C1RL: variants seen among roughly 807,000 people sequenced by gnomAD.
The protein encoded by C1RL is complement C1r subcomponent-like protein.
C1RL carries 27 observed loss-of-function variants against 27.9 expected under a neutral mutation model. The observed-to-expected ratio is 0.97, with a 90% CI of 0.71 to 1.33. The LOEUF (loss-of-function observed/expected upper bound fraction) is 1.33. Ranked by LOEUF, C1RL falls within the 40% of genes most tolerant of loss-of-function variation. The pLI is 0.00. For synonymous variants in C1RL, 248 were observed against 252.1 expected (o/e 0.98, Z 0.15); for missense variants, 563 against 623.9 (o/e 0.90, Z 1.04).
intron 1 of C1RL, chr12:7,108,712 A>G (rs1938841075): frequency 5.3e-6 from 3 of 562,958 alleles, no homozygotes; most frequent in Non-Finnish European, 9.4e-6. Context: ...TGGGTTTTCC[A>G]TCCTCCGAAG....
In C1RL at chr12:7,094,696, C is replaced by T; in HGVS notation, c.*1695G>A. The stretch of plus-strand genomic sequence containing the variant: ...CAATAGAGAATAGTGGAAAACCAAA[C>T]AGCCAAAATCTTATCAATAAAACCA... On this transcript the variant is annotated 3_prime_UTR_variant, in exon 6 of 6. Transcript: ENST00000266542. 4 of 981,198 alleles carry T rather than the reference C, an allele frequency of 4.1e-6. No individual in the cohort carries two copies. The highest frequency in any genetic ancestry group is 4.8e-6 in the Non-Finnish European group (4 of 826,094). 60.8% of individuals were successfully genotyped at this position (981,198 alleles called of 1,614,324 possible).
In C1RL at chr12:7,096,030, T is replaced by C; in HGVS notation, c.*361A>G. The C allele has an allele frequency of 9.7e-7, 1 of 1,035,556 alleles. No homozygotes were observed. Among genetic ancestry groups the C allele is most frequent in the Non-Finnish European group, 1.2e-6 (1 of 863,768 alleles). 64.1% of individuals were successfully genotyped at this position (1,035,556 alleles called of 1,614,324 possible). On this transcript the variant is annotated 3_prime_UTR_variant, in exon 6 of 6. Transcript: ENST00000266542. Reference sequence around the variant, plus strand: ...CTAATAGCGGGTGAGTAGCTGACTCTTCCACAGGTGAGTATAAAAGCTGTG... The same window carrying C: ...CTAATAGCGGGTGAGTAGCTGACTCCTCCACAGGTGAGTATAAAAGCTGTG...
chr12:7,094,963 T>C lies in C1RL; in HGVS notation c.*1428A>G, dbSNP rs1938385127. The C allele has an allele frequency of 9.0e-7, 1 of 1,107,946 alleles. No individual in the cohort carries two copies. The highest frequency in any genetic ancestry group is 1.1e-6 in the Non-Finnish European group (1 of 900,682). The allele number at this position is 1,107,946 out of a possible 1,614,324, so 68.6% of individuals were successfully genotyped here. ...CACATGTATGTACAACTTTGAATCC[T>C]GCCATTTTTTAGAGATAAATTTAAC... On this transcript the variant is annotated 3_prime_UTR_variant, in exon 6 of 6. Transcript: ENST00000266542.
At chr12:7,101,099 C>CTCCTTCCTTCTT (rs1938607132) in intron 3 of C1RL, among the ~76,000 whole-genome samples, 7 of 27,990 alleles carry the variant, frequency 2.5e-4, no homozygotes, top group Admixed American at 3.2e-4. Flanking sequence ...CCCTCCTTCC[C>CTCCTTCCTTCTT]TCCTTCCTTC....
chr12:7,099,051 A>G (rs1258180430), intron 5 of C1RL, among the ~76,000 whole-genome samples: 1 of 150,212 alleles, frequency 6.7e-6, no homozygotes, highest in Admixed American at 6.6e-5. Context: ...CAAAAAAAAA[A>G]AAAAAATAAA....
In C1RL at chr12:7,094,967, A is replaced by T; in HGVS notation, c.*1424T>A. On this transcript the variant is annotated 3_prime_UTR_variant, in exon 6 of 6. Transcript: ENST00000266542. The stretch of plus-strand genomic sequence containing the variant: ...TGTATGTACAACTTTGAATCCTGCC[A>T]TTTTTTAGAGATAAATTTAACCTTT... 1 of 1,106,994 alleles carries T rather than the reference A, an allele frequency of 9.0e-7. No individual in the cohort carries two copies. 68.6% of individuals were successfully genotyped at this position (1,106,994 alleles called of 1,614,324 possible).
Position 7,096,626 on chromosome 12 carries a change from T to C in C1RL, c.1229A>G (p.Gln410Arg), listed in dbSNP as rs779934100. Reference sequence around the variant, plus strand: ...ATTGTCAGAAAACACCTCGGGTCTCTGTCTCTTTTGGAGCCAGGCGTTGCA... The same window carrying C: ...ATTGTCAGAAAACACCTCGGGTCTCCGTCTCTTTTGGAGCCAGGCGTTGCA... The part of the protein sequence containing the change: ...EACNAWLQKR[Q>R]RPEVFSDNMF... Residue 410 changes from glutamine to arginine, a missense_variant, in exon 6 of 6, where the codon CAG becomes CGG. Transcript: ENST00000266542. 28 of 1,614,030 alleles carry C rather than the reference T, an allele frequency of 1.7e-5. No homozygotes were observed. The East Asian group carries it at 2.5e-4, about 14-fold the overall frequency.
At position 7,095,132 on chromosome 12, in the gene C1RL, G is replaced by A. The variant is rs59375850; in HGVS notation, c.*1259C>T. 0.12 allele frequency: 141,547 copies of A among 1,227,968 alleles called. 9,619 individuals carry two copies. Among genetic ancestry groups the A allele is most frequent in the Admixed American group, 0.28 (8,827 of 31,268 alleles). 76.1% of individuals were successfully genotyped at this position (1,227,968 alleles called of 1,614,324 possible). ...AATCACCTCCAATCTTTTTTTTTTG[G>A]GGGGGATGAAGTCTTGGTCTGTCCG... On this transcript the variant is annotated 3_prime_UTR_variant, in exon 6 of 6. Coordinates refer to ENST00000266542, the MANE Select transcript of C1RL (RefSeq NM_016546.4).
At position 7,094,624 on chromosome 12, in the gene C1RL, A is replaced by G; in HGVS notation, c.*1767T>C. ...ATCATTTTTTGCAATCATAAAAATAAGCAAAATAAAATAAAAACATTTCAT... is the reference window on the plus strand; with the variant it reads ...ATCATTTTTTGCAATCATAAAAATAGGCAAAATAAAATAAAAACATTTCAT... On this transcript the variant is annotated 3_prime_UTR_variant, in exon 6 of 6. Coordinates refer to ENST00000266542, the MANE Select transcript of C1RL (RefSeq NM_016546.4). 1 of 971,538 alleles carries G rather than the reference A, an allele frequency of 1.0e-6. No homozygotes were observed. Among genetic ancestry groups the G allele is most frequent in the Non-Finnish European group, 1.2e-6 (1 of 817,274 alleles). The allele number at this position is 971,538 out of a possible 1,614,324, so 60.2% of individuals were successfully genotyped here. A position where few individuals can be genotyped will look rare whatever the true frequency, so the allele number is the denominator to read the frequency against.
chr12:7,097,600 C>G (rs1212108508), intron 5 of C1RL, among the ~76,000 whole-genome samples: 1 of 152,128 alleles, frequency 6.6e-6, no homozygotes, highest in African/African-American at 2.4e-5. Flanking sequence ...GACTCTTATA[C>G]TGATGCAGAC....
intron 2 of C1RL, among the ~76,000 whole-genome samples, chr12:7,103,522 T>C (rs1433326387): frequency 1.3e-5 from 2 of 152,214 alleles, no homozygotes; most frequent in African/African-American, 2.4e-5. Context: ...CAATACCTGC[T>C]CCTTCAAAAT....
In C1RL at chr12:7,108,300, T is replaced by C. The variant is rs766870484; in HGVS notation, c.251A>G (p.Gln84Arg). ...CTGGGACGGCTCCAGGTCGAAGTCC[T>C]GGAAGACGAGCCTCACAGCAAAGCC... The part of the protein sequence containing the change: ...PEGFAVRLVF[Q>R]DFDLEPSQDC... The change falls in exon 2 of 6, where the codon CAG becomes CGG. Residue 84 changes from glutamine (Q) to arginine (R), a missense_variant. Transcript: ENST00000266542. 3.1e-6 allele frequency: 5 copies of C among 1,614,164 alleles called. 1 individual carries two copies. The South Asian group carries it at 4.4e-5, about 14-fold the overall frequency.
chr12:7,101,649 C>T, intron 3 of C1RL: 1 of 499,802 alleles, frequency 2.0e-6, no homozygotes, highest in East Asian at 2.9e-5. Flanking sequence ...TTTTTGGCAT[C>T]TCTTTAAAAA....
intron 5 of C1RL, among the ~76,000 whole-genome samples, chr12:7,097,833 T>A (rs1938497573): frequency 6.6e-6 from 1 of 152,174 alleles, no homozygotes; most frequent in Admixed American, 6.5e-5. Context: ...AGAGTCTGTT[T>A]CAGTGCCTCC....
intron 5 of C1RL, 90 bp from the exon 6 acceptor site, chr12:7,097,253 G>C (rs1001441360): frequency 9.6e-6 from 12 of 1,251,152 alleles, no homozygotes; most frequent in Non-Finnish European, 1.3e-5. Flanking sequence ...CTGTGGTAGG[G>C]GACGCGTGAA....
In C1RL at chr12:7,099,719, G is replaced by T. The variant is rs781501837; in HGVS notation, c.658C>A (p.Gln220Lys). 2 of 1,562,174 alleles carry T rather than the reference G, an allele frequency of 1.3e-6. No homozygotes were observed. The highest frequency in any genetic ancestry group is 1.4e-5 in the African/African-American group (1 of 74,036). ...CACTGAAGAACCTCCTCCCCATCCT[G>T]TCTGTCTTTCCAGGTCCCTGGGGTT... ...CATPGTWKDR[Q>K]DGEEVLQCMP... The change falls in exon 5 of 6, where the codon CAG becomes AAG. Residue 220 changes from glutamine to lysine, a missense_variant. By Grantham distance (53) the Gln-to-Lys change is moderately conservative. Transcript: ENST00000266542.
intron 2 of C1RL, among the ~76,000 whole-genome samples, chr12:7,107,656 T>TA (rs1277970445): frequency 6.6e-6 from 1 of 152,236 alleles, no homozygotes; most frequent in Non-Finnish European, 1.5e-5. Flanking sequence ...AGATGGGGTC[T>TA]TGCTATGTTG....
In C1RL at chr12:7,096,552, C is replaced by A. The variant is rs988504464; in HGVS notation, c.1303G>T (p.Asp435Tyr). ...ETQRHSVCQG[D>Y]SGSVYVVWDN... ...CATACCACATAGACGCTGCCACTGT[C>A]CCCCTGGCAGACACTGTGCCTTTGC... The change falls in exon 6 of 6, where the codon GAC becomes TAC. Residue 435 changes from aspartate (D) to tyrosine (Y), a missense_variant. By Grantham distance (160) the Asp-to-Tyr change is radical. Coordinates refer to ENST00000266542, the MANE Select transcript of C1RL (RefSeq NM_016546.4). 4.3e-6 allele frequency: 7 copies of A among 1,614,170 alleles called. No homozygotes were observed. The highest frequency in any genetic ancestry group is 5.9e-6 in the Non-Finnish European group (7 of 1,180,030).
rs938672049 is a variant in C1RL at position 7,095,204 on chromosome 12, C to T, written c.*1187G>A. 2 of 968,232 alleles carry T rather than the reference C, an allele frequency of 2.1e-6. No individual in the cohort carries two copies. Among genetic ancestry groups the T allele is most frequent in the African/African-American group, 3.6e-5 (2 of 55,748 alleles). 60.0% of individuals were successfully genotyped at this position (968,232 alleles called of 1,614,324 possible). A position where few individuals can be genotyped will look rare whatever the true frequency, so the allele number is the denominator to read the frequency against. On this transcript the variant is annotated 3_prime_UTR_variant, in exon 6 of 6. Coordinates refer to ENST00000266542, the MANE Select transcript of C1RL (RefSeq NM_016546.4). ...GATCTTAGCTCACTGCAACCTCCGCCTCCCAGGTTCAAGTGATTCTCCTGC... is the reference window on the plus strand; with the variant it reads ...GATCTTAGCTCACTGCAACCTCCGCTTCCCAGGTTCAAGTGATTCTCCTGC...
Sources: gnomAD v4.1 joint callset for allele counts (sites outside exome capture counted in the v4.1 genomes callset) on GRCh38, gnomAD v4.1.1 for gene constraint, MANE v1.5 for transcripts, NCBI Gene and HGNC (gene_info 2026-07-23, HGNC 2026-07-21) for gene names.